Variants in KPNA5 observed in about 807,000 individuals in gnomAD.
KPNA5 encodes the protein importin subunit alpha-6.
KPNA5 carries 46 observed loss-of-function variants against 71.3 expected under a neutral mutation model. The observed-to-expected ratio is 0.65, with a 90% confidence interval of 0.51 to 0.83. The LOEUF (loss-of-function observed/expected upper bound fraction) is 0.83, where lower values mean the gene tolerates loss of function less well. KPNA5 is among the 40% of genes least tolerant of loss of function. KPNA5 has a pLI of 0.00. For synonymous variants in KPNA5, 207 were observed against 201.4 expected (o/e 1.03, Z -0.24); for missense variants, 547 against 628.3 (o/e 0.87, Z 1.38).
intron 1 of KPNA5, among the ~76,000 whole-genome samples, chr6:116,688,755 C>T (rs1777686003): frequency 6.6e-6 from 1 of 152,014 alleles, no homozygotes; most frequent in South Asian, 2.1e-4. Context: ...GTACTAAAAA[C>T]TGATATTGTA....
intron 6 of KPNA5, among the ~76,000 whole-genome samples, chr6:116,704,041 A>ATT (rs904932447): frequency 2.1e-5 from 3 of 144,882 alleles, no homozygotes; most frequent in Non-Finnish European, 3.0e-5. Context: ...GCTGTAGGCA[A>ATT]TTTTTTTTTT....
At chr6:116,707,636 C>T (rs1440611369) in intron 7 of KPNA5, among the ~76,000 whole-genome samples, 1 of 152,180 alleles carries the variant, frequency 6.6e-6, no homozygotes, top group Non-Finnish European at 1.5e-5. Flanking sequence ...AAAATATTTA[C>T]TGAAAAAATT....
chr6:116,722,286 T>C lies in KPNA5; in HGVS notation c.917T>C (p.Leu306Ser), dbSNP rs561751332. Residue 306 changes from leucine to serine, a missense_variant, in exon 9 of 14, where the codon TTG (leucine) becomes TCG (serine). Transcript: ENST00000368564. ...GTCTGTCGAAGATTGGTGGAACTTT[T>C]GATGTAACTATAAATAATTTATGCT... is the stretch of plus-strand genomic sequence containing the variant. ...SGVCRRLVEL[L>S]MHNDYKVVSP... is the part of the protein sequence containing the mutation. The C allele has an allele frequency of 6.2e-7, 1 of 1,604,488 alleles. No homozygotes were observed. The highest frequency in any genetic ancestry group is 1.1e-5 in the South Asian group (1 of 88,996).
intron 7 of KPNA5, among the ~76,000 whole-genome samples, chr6:116,710,589 G>A (rs1778624065): frequency 6.6e-6 from 1 of 151,910 alleles, no homozygotes; most frequent in African/African-American, 2.4e-5. Context: ...GAAAGGGTTT[G>A]AGAATTATTC....
intron 10 of KPNA5, among the ~76,000 whole-genome samples, chr6:116,725,152 C>T (rs1193128460): frequency 6.6e-6 from 1 of 152,070 alleles, no homozygotes; most frequent in African/African-American, 2.4e-5. Flanking sequence ...CTGTAATTTT[C>T]AGTTGGATTT....
rs540097071 is a variant in KPNA5, at chr6:116,698,386, G to C, written c.341-318G>C. 9.8e-4 allele frequency among the ~76,000 whole-genome samples: 149 copies of C among 152,066 alleles called. 1 individual carries two copies. Among genetic ancestry groups the C allele is most frequent in the African/African-American group, 3.3e-3 (136 of 41,538 alleles). ...TAGTGGAAACTTAATTCCTCAGTTG[G>C]TATTTTGAGTTTTAGACAGAAATAA... On this transcript the variant is annotated intron_variant, in intron 4 of 13. Coordinates refer to ENST00000368564, the MANE Select transcript of KPNA5 (RefSeq NM_001366306.2).
intron 13 of KPNA5, among the ~76,000 whole-genome samples, chr6:116,731,841 T>C (rs566791277): frequency 9.2e-5 from 14 of 151,898 alleles, no homozygotes; most frequent in African/African-American, 3.1e-4. Flanking sequence ...TAAACTTACC[T>C]GGCCAAGATC....
rs1480969219 is a variant in KPNA5 at position 116,735,366 on chromosome 6, A to G, written c.*3043A>G. The stretch of plus-strand genomic sequence containing the variant: ...TAGTGAATTTTTGTTATGGTTCTCA[A>G]TTCAGCAATCTACTGGCTGCTTGCG... On this transcript the variant is annotated 3_prime_UTR_variant, in exon 14 of 14. Transcript: ENST00000368564. The G allele has an allele frequency of 2.0e-5, 3 of 151,760 alleles. No individual in the cohort carries two copies. The highest frequency in any genetic ancestry group is 6.6e-5 in the Admixed American group (1 of 15,174). 9.4% of individuals were successfully genotyped at this position (151,760 alleles called of 1,614,324 possible). A position where few individuals can be genotyped will look rare whatever the true frequency, so the allele number is the denominator to read the frequency against.
intron 7 of KPNA5, among the ~76,000 whole-genome samples, chr6:116,707,169 A>G (rs951477355): frequency 8.5e-5 from 13 of 152,302 alleles, no homozygotes; most frequent in African/African-American, 3.1e-4. Flanking sequence ...GTCTCAAAAA[A>G]AAAAAATGAT....
chr6:116,740,932 C>A lies in KPNA5; in HGVS notation c.*8609C>A, dbSNP rs1369207501. ...ATGGGTGCAGCACACCAACATGGCA[C>A]ATGTATACATATGTAACTAACCTGC... On this transcript the variant is annotated 3_prime_UTR_variant, in exon 14 of 14. Coordinates refer to ENST00000368564, the MANE Select transcript of KPNA5 (RefSeq NM_001366306.2). 1 of 151,716 alleles carries A rather than the reference C, an allele frequency of 6.6e-6. No individual in the cohort carries two copies. The highest frequency in any genetic ancestry group is 1.5e-5 in the Non-Finnish European group (1 of 67,994). The allele number at this position is 151,716 out of a possible 1,614,324, so 9.4% of individuals were successfully genotyped here. A position where few individuals can be genotyped will look rare whatever the true frequency, so the allele number is the denominator to read the frequency against.
At chr6:116,694,440 A>G (rs1183915833) in intron 4 of KPNA5, among the ~76,000 whole-genome samples, 1 of 152,062 alleles carries the variant, frequency 6.6e-6, no homozygotes, top group Non-Finnish European at 1.5e-5. Context: ...TTCTCCTTGA[A>G]GAGGTCCTTC....
At position 116,737,288 on chromosome 6, in the gene KPNA5, G is replaced by A. The variant is rs1779707957; in HGVS notation, c.*4965G>A. The A allele has an allele frequency of 6.6e-6, 1 of 151,986 alleles. No homozygotes were observed. The highest frequency in any genetic ancestry group is 2.4e-5 in the African/African-American group (1 of 41,396). The allele number at this position is 151,986 out of a possible 1,614,324, so 9.4% of individuals were successfully genotyped here. A position where few individuals can be genotyped will look rare whatever the true frequency, so the allele number is the denominator to read the frequency against. ...GGCTAGTGGAACTTAAACTGTTCCT[G>A]ATCATTGTGGGCTCCAAAAATTGTT... On this transcript the variant is annotated 3_prime_UTR_variant, in exon 14 of 14. Transcript: ENST00000368564.
At chr6:116,711,715 G>T (rs1176528928) in intron 7 of KPNA5, among the ~76,000 whole-genome samples, 2 of 152,168 alleles carry the variant, frequency 1.3e-5, no homozygotes, top group Non-Finnish European at 2.9e-5. Flanking sequence ...GAGCTCAAGT[G>T]ATCTGCCTGC....
At chr6:116,684,476 A>G (rs1025678653) in intron 1 of KPNA5, among the ~76,000 whole-genome samples, 9 of 152,200 alleles carry the variant, frequency 5.9e-5, no homozygotes, top group Non-Finnish European at 1.3e-4. Context: ...TGGATGAATC[A>G]ATGAATGAAT....
At chr6:116,708,287 A>G (rs1367896435) in intron 7 of KPNA5, among the ~76,000 whole-genome samples, 1 of 152,192 alleles carries the variant, frequency 6.6e-6, no homozygotes, top group Admixed American at 6.5e-5. Flanking sequence ...GGAATTTGGT[A>G]ATATGGTAAT....
At chr6:116,724,259 C>A in intron 9 of KPNA5, 38 bp from the exon 10 acceptor site, 2 of 1,375,596 alleles carry the variant, frequency 1.5e-6, no homozygotes, top group South Asian at 2.4e-5. Context: ...ATTTTAAATT[C>A]TTACTAGTAT....
chr6:116,716,255 A>T lies in KPNA5; in HGVS notation c.693A>T (p.Arg231Ser). The T allele has an allele frequency of 1.9e-6, 3 of 1,613,570 alleles. No individual in the cohort carries two copies. Among genetic ancestry groups the T allele is most frequent in the Non-Finnish European group, 2.5e-6 (3 of 1,179,822 alleles). ...ATTCAAACAGACTCACAACAACAAG[A>T]AATGCCGTGTGGGCCCTCTCAAATT... ...LTNSNRLTTT[R>S]NAVWALSNLC... Residue 231 changes from arginine to serine, a missense_variant, in exon 8 of 14, where the codon AGA becomes AGT. Coordinates refer to ENST00000368564, the MANE Select transcript of KPNA5 (RefSeq NM_001366306.2).
intron 6 of KPNA5, among the ~76,000 whole-genome samples, chr6:116,703,779 C>G (rs1778325898): frequency 6.6e-6 from 1 of 152,024 alleles, no homozygotes; most frequent in Non-Finnish European, 1.5e-5. Flanking sequence ...ATAAAACTTT[C>G]CCAATTGAAA....
At chr6:116,717,063 C>T (rs9489020) in intron 8 of KPNA5, among the ~76,000 whole-genome samples, 1 of 151,982 alleles carries the variant, frequency 6.6e-6, no homozygotes, top group Admixed American at 6.6e-5. Context: ...TGCCTATTCA[C>T]GTTAACTCTT....
Sources: allele counts gnomAD v4.1 joint callset (sites outside exome capture counted in the v4.1 genomes callset), GRCh38; gene constraint gnomAD v4.1.1; transcripts MANE v1.5; gene names NCBI Gene and HGNC (gene_info 2026-07-23, HGNC 2026-07-21).